STAG1: variants seen among roughly 807,000 people sequenced by gnomAD.
STAG1 encodes the protein cohesin subunit SA-1.
STAG1 carries 26 observed loss-of-function variants against 170.9 expected under a neutral mutation model. The ratio of observed to expected loss-of-function variants is 0.15; its 90% CI spans 0.11 to 0.21. The LOEUF (loss-of-function observed/expected upper bound fraction) is 0.21. Among genes scored for constraint, STAG1 ranks in the 10% least tolerant of loss-of-function variants. STAG1 has a pLI of 1.00. For synonymous variants in STAG1, 514 were observed against 497.7 expected (o/e 1.03, Z -0.44); for missense variants, 964 against 1,509.5 (o/e 0.64, Z 5.99).
chr3:136,448,322 T>C (rs1366811173), intron 14 of STAG1, among the ~76,000 whole-genome samples: 1 of 152,100 alleles, frequency 6.6e-6, no homozygotes, highest in Admixed American at 6.6e-5. Flanking sequence ...GACTGGGAAA[T>C]TTATAAGGGA....
chr3:136,659,057 T>A (rs1389432179), intron 1 of STAG1, among the ~76,000 whole-genome samples: 2 of 152,180 alleles, frequency 1.3e-5, no homozygotes, highest in African/African-American at 4.8e-5. Context: ...TACCACTCTT[T>A]TTGACCCTGC....
At chr3:136,748,170 C>T (rs1053330029) in intron 1 of STAG1, among the ~76,000 whole-genome samples, 4 of 151,642 alleles carry the variant, frequency 2.6e-5, no homozygotes, top group African/African-American at 4.8e-5. Flanking sequence ...GGTGGACAGA[C>T]GGTTTCAGGT....
chr3:136,473,880 G>A (rs906292375), intron 10 of STAG1, among the ~76,000 whole-genome samples: 6 of 151,700 alleles, frequency 4.0e-5, no homozygotes, highest in Non-Finnish European at 7.4e-5. Context: ...ATTTATCAAC[G>A]CTGACTCAAC....
rs375432998 is a variant in STAG1 at position 136,468,922 on chromosome 3, G to C, written c.1205+3491C>G. On this transcript the variant is annotated intron_variant, in intron 12 of 33. Transcript: ENST00000383202. ...CTCAATACATGCAGAAAAGGCCTTTGACAAAATTCAACAACGCTTCATGCT... is the reference window on the plus strand; with the variant it reads ...CTCAATACATGCAGAAAAGGCCTTTCACAAAATTCAACAACGCTTCATGCT... Among the ~76,000 whole-genome samples the C allele has an allele frequency of 1.2e-4, 19 of 152,214 alleles. No homozygotes were observed. In the East Asian group the frequency reaches 1.7e-3, roughly 14 times the overall value.
At position 136,580,169 on chromosome 3, in the gene STAG1, A is replaced by G. The variant is rs1403798009; in HGVS notation, c.298-11308T>C. 2.0e-5 allele frequency among the ~76,000 whole-genome samples: 3 copies of G among 151,908 alleles called. No individual in the cohort carries two copies. In the East Asian group the frequency reaches 5.8e-4, roughly 29 times the overall value. ...TTTTTAGTAGAGATGAGGTTTCATC[A>G]TGTTGGCCAGGATGGTCTTGATCTC... On this transcript the variant is annotated intron_variant, in intron 4 of 33. Transcript: ENST00000383202.
chr3:136,662,526 A>C (rs4038587), intron 1 of STAG1, among the ~76,000 whole-genome samples: 99,677 of 151,756 alleles, frequency 0.66, 35,038 homozygotes, highest in African/African-American at 0.9. Context: ...TCACTGCAGC[A>C]TCAACCTCCC....
chr3:136,626,101 T>C (rs1940080161), intron 2 of STAG1, among the ~76,000 whole-genome samples: 1 of 151,262 alleles, frequency 6.6e-6, no homozygotes, highest in Non-Finnish European at 1.5e-5. Flanking sequence ...AATAATATTG[T>C]AAATGATGTC....
At chr3:136,661,654 G>A (rs1401680389) in intron 1 of STAG1, among the ~76,000 whole-genome samples, 1 of 151,954 alleles carries the variant, frequency 6.6e-6, no homozygotes, top group African/African-American at 2.4e-5. Flanking sequence ...AACACTTCTG[G>A]TCCCCAAGCA....
At chr3:136,386,858 A>G (rs2108321616) in intron 22 of STAG1, among the ~76,000 whole-genome samples, 1 of 152,344 alleles carries the variant, frequency 6.6e-6, no homozygotes, top group Admixed American at 6.5e-5. Context: ...GAAGCCATGG[A>G]AAAACTAATT....
At chr3:136,475,383 G>A (rs1455648849) in intron 10 of STAG1, among the ~76,000 whole-genome samples, 1 of 152,076 alleles carries the variant, frequency 6.6e-6, no homozygotes, top group Admixed American at 6.6e-5. Context: ...CTGACCTCAG[G>A]TGATCCGCCT....
chr3:136,452,672 G>C (rs554851113), intron 13 of STAG1, among the ~76,000 whole-genome samples: 1 of 152,076 alleles, frequency 6.6e-6, no homozygotes, highest in Non-Finnish European at 1.5e-5. Context: ...GGTTAAACTA[G>C]ATATAAAATG....
intron 4 of STAG1, among the ~76,000 whole-genome samples, chr3:136,580,366 C>A (rs1017997414): frequency 6.6e-6 from 1 of 151,474 alleles, no homozygotes; most frequent in Non-Finnish European, 1.5e-5. Context: ...AATAAAAAAA[C>A]AGAAAAACTG....
chr3:136,379,084 T>C (rs1937787876), intron 22 of STAG1, among the ~76,000 whole-genome samples: 1 of 152,190 alleles, frequency 6.6e-6, no homozygotes, highest in Non-Finnish European at 1.5e-5. Flanking sequence ...GAGTTCATCT[T>C]GTGGAGAGAA....
chr3:136,626,363 T>C (rs756897172), intron 2 of STAG1, among the ~76,000 whole-genome samples: 12 of 150,986 alleles, frequency 7.9e-5, no homozygotes, highest in African/African-American at 2.2e-4. Flanking sequence ...GAGGCGTAGG[T>C]TGGCCGAGCC....
chr3:136,527,875 C>G (rs1053393493), intron 6 of STAG1, among the ~76,000 whole-genome samples: 1 of 152,154 alleles, frequency 6.6e-6, no homozygotes, highest in Non-Finnish European at 1.5e-5. Context: ...TCCTGGGTAT[C>G]AGCAGCGGAT....
intron 3 of STAG1, among the ~76,000 whole-genome samples, chr3:136,621,183 C>T (rs1939833873): frequency 6.6e-6 from 1 of 151,838 alleles, no homozygotes; most frequent in Non-Finnish European, 1.5e-5. Context: ...ACACATAAAA[C>T]TTAAACAGGT....
intron 1 of STAG1, among the ~76,000 whole-genome samples, chr3:136,643,669 T>C (rs536353002): frequency 6.6e-6 from 1 of 152,126 alleles, no homozygotes; most frequent in Admixed American, 6.6e-5. Context: ...CCACCACACC[T>C]GGCTAATTTT....
intron 9 of STAG1, among the ~76,000 whole-genome samples, chr3:136,495,560 C>T (rs1440506389): frequency 3.3e-5 from 5 of 152,050 alleles, no homozygotes; most frequent in Admixed American, 1.3e-4. Context: ...ATGGATGGCA[C>T]GGTGGCTCAT....
chr3:136,387,833 C>A (rs779332575), intron 22 of STAG1, among the ~76,000 whole-genome samples: 6 of 152,170 alleles, frequency 3.9e-5, no homozygotes, highest in African/African-American at 7.2e-5. Context: ...TCCAAAACAT[C>A]TTCTGATTTC....
Sources: allele counts gnomAD v4.1 joint callset (sites outside exome capture counted in the v4.1 genomes callset), GRCh38; gene constraint gnomAD v4.1.1; transcripts MANE v1.5; gene names NCBI Gene and HGNC (gene_info 2026-07-23, HGNC 2026-07-21).